The following DNAH8 variants were observed in gnomAD, a reference collection of about 807,000 sequenced individuals.
DNAH8 encodes the protein axonemal beta dynein heavy chain 8.
In DNAH8, 382 loss-of-function variants were observed where a neutral mutation model predicts 562.1. The observed-to-expected ratio is 0.68, with a 90% CI of 0.63 to 0.74. The LOEUF (loss-of-function observed/expected upper bound fraction) is 0.74. Among genes scored for constraint, DNAH8 ranks in the 30% least tolerant of loss-of-function variants. DNAH8 has a pLI of 0.00. For missense variants in DNAH8, 5,203 were observed against 5,620.4 expected (o/e 0.93, Z 2.37); for synonymous variants, 1,881 against 1,919.4 (o/e 0.98, Z 0.52).
At chr6:38,715,958 A>ATTTTTTTT (rs1454056787) in intron 1 of DNAH8, among the ~76,000 whole-genome samples, 9 of 31,046 alleles carry the variant, frequency 2.9e-4, no homozygotes, top group African/African-American at 2.0e-3. Flanking sequence ...ATATATATAT[A>ATTTTTTTT]TATTTTTTTT....
chr6:38,826,411 T>G lies in DNAH8; in HGVS notation c.4083+20T>G. Reference sequence around the variant, plus strand: ...ATTGAAGTAAGAAATGATTGCATTTTTTTTTCTTGGAATGCTTTTTTGTTT... The same window carrying G: ...ATTGAAGTAAGAAATGATTGCATTTGTTTTTCTTGGAATGCTTTTTTGTTT... On this transcript the variant is annotated intron_variant, in intron 29 of 92. Transcript: ENST00000327475. 6.6e-7 allele frequency: 1 copy of G among 1,510,036 alleles called. No individual in the cohort carries two copies. The highest frequency in any genetic ancestry group is 9.0e-7 in the Non-Finnish European group (1 of 1,109,078). The allele number at this position is 1,510,036 out of a possible 1,614,324, so 93.5% of individuals were successfully genotyped here.
At chr6:38,965,597 T>C (rs981370371) in intron 82 of DNAH8, among the ~76,000 whole-genome samples, 2 of 152,182 alleles carry the variant, frequency 1.3e-5, no homozygotes, top group Non-Finnish European at 2.9e-5. Context: ...CAGTCAAAAT[T>C]TTACTAAAGT....
intron 11 of DNAH8, among the ~76,000 whole-genome samples, chr6:38,766,308 A>G (rs973787850): frequency 6.6e-6 from 1 of 152,146 alleles, no homozygotes; most frequent in Non-Finnish European, 1.5e-5. Context: ...TTTCACCTCT[A>G]TGTGGAATCT....
intron 76 of DNAH8, 68 bp from the exon 77 acceptor site, chr6:38,935,524 G>A (rs1782878108): frequency 2.8e-6 from 3 of 1,073,780 alleles, no homozygotes; most frequent in Non-Finnish European, 1.4e-6. Flanking sequence ...ATAAACACTA[G>A]TGAGTTGGGT....
At chr6:38,900,120 G>C (rs921031391) in intron 62 of DNAH8, among the ~76,000 whole-genome samples, 2 of 152,130 alleles carry the variant, frequency 1.3e-5, no homozygotes, top group African/African-American at 4.8e-5. Context: ...TTGTATCCCA[G>C]AAGTGCCTCC....
intron 26 of DNAH8, among the ~76,000 whole-genome samples, chr6:38,822,601 G>A (rs1462093675): frequency 1.3e-5 from 2 of 152,022 alleles, no homozygotes; most frequent in East Asian, 1.9e-4. Flanking sequence ...TATCCTCTCC[G>A]AATAACAGTT....
At chr6:38,883,095 A>T in intron 54 of DNAH8, 43 bp downstream of exon 54, 1 of 1,505,460 alleles carries the variant, frequency 6.6e-7, no homozygotes, top group Non-Finnish European at 8.9e-7. Context: ...CAAACCATCC[A>T]TGGCCACGGG....
intron 64 of DNAH8, among the ~76,000 whole-genome samples, chr6:38,908,806 G>T (rs1780671163): frequency 6.6e-6 from 1 of 152,160 alleles, no homozygotes; most frequent in African/African-American, 2.4e-5. Flanking sequence ...ACCTGCCTGG[G>T]CCTCGCAAAG....
intron 1 of DNAH8, among the ~76,000 whole-genome samples, chr6:38,719,964 A>G (rs1762619880): frequency 6.6e-6 from 1 of 152,200 alleles, no homozygotes; most frequent in African/African-American, 2.4e-5. Context: ...CACCAACAAT[A>G]TCCCAAAACT....
intron 24 of DNAH8, among the ~76,000 whole-genome samples, chr6:38,811,240 G>A (rs1771767700): frequency 6.6e-6 from 1 of 152,068 alleles, no homozygotes; most frequent in Admixed American, 6.5e-5. Context: ...TTGAATGTTG[G>A]GTAGAATGAC....
intron 10 of DNAH8, among the ~76,000 whole-genome samples, chr6:38,759,551 C>A (rs1414337092): frequency 6.6e-6 from 1 of 152,170 alleles, no homozygotes; most frequent in Non-Finnish European, 1.5e-5. Flanking sequence ...ACATTGAGAT[C>A]ATTTTTAGTT....
At chr6:38,828,397 A>G (rs1773552953) in intron 30 of DNAH8, 109 bp downstream of exon 30, 1 of 590,000 alleles carries the variant, frequency 1.7e-6, no homozygotes, top group Non-Finnish European at 2.9e-6. Flanking sequence ...CCACATAACA[A>G]TGTTTCAGTC....
intron 82 of DNAH8, among the ~76,000 whole-genome samples, chr6:38,967,656 T>C (rs906438556): frequency 3.3e-5 from 5 of 152,138 alleles, no homozygotes; most frequent in Non-Finnish European, 7.4e-5. Flanking sequence ...AGACATCCAG[T>C]GTTCATGGAT....
At chr6:38,954,996 C>T (rs992939481) in intron 82 of DNAH8, among the ~76,000 whole-genome samples, 3 of 152,138 alleles carry the variant, frequency 2.0e-5, no homozygotes, top group African/African-American at 7.2e-5. Flanking sequence ...GAGACAGGCT[C>T]CCACTCTGTC....
chr6:38,986,147 A>G (rs906666180), intron 87 of DNAH8, among the ~76,000 whole-genome samples: 1 of 152,222 alleles, frequency 6.6e-6, no homozygotes, highest in Non-Finnish European at 1.5e-5. Flanking sequence ...AATTCTCAGA[A>G]TGTACCAAAT....
At chr6:38,748,462 T>C (rs1238708303) in intron 8 of DNAH8, among the ~76,000 whole-genome samples, 1 of 152,172 alleles carries the variant, frequency 6.6e-6, no homozygotes, top group African/African-American at 2.4e-5. Context: ...TTGGCTCCCA[T>C]TGTTTTTCAA....
rs373096913 is a variant in DNAH8, at chr6:38,896,225, G to A, written c.8940G>A (p.Leu2980=). ...TTGAAGTACCCAAAATATATGAATT[G>A]GTATTTATTTTCATCTCTTAAAAGA... is the stretch of plus-strand genomic sequence containing the variant. ...SVFEVPKIYE[L]MPSFDFLAEK... is the part of the protein sequence containing the mutation. The change falls in exon 60 of 93, where the codon TTG becomes TTA. Residue 2980 remains leucine, a splice_region_variant and synonymous_variant. Coordinates refer to ENST00000327475, the MANE Select transcript of DNAH8 (RefSeq NM_001206927.2). The A allele has an allele frequency of 1.8e-5, 29 of 1,610,186 alleles. No homozygotes were observed. In the Admixed American group the frequency reaches 2.0e-4, roughly 11 times the overall value.
intron 75 of DNAH8, chr6:38,931,161 G>A (rs540181223): frequency 3.9e-5 from 6 of 152,130 alleles, no homozygotes; most frequent in African/African-American, 7.2e-5. Flanking sequence ...TGATGTTTTC[G>A]GTCACGGGCA....
At chr6:39,029,627 C>G (rs893966799) in intron 92 of DNAH8, among the ~76,000 whole-genome samples, 7 of 152,302 alleles carry the variant, frequency 4.6e-5, no homozygotes, top group Middle Eastern at 3.4e-3. Context: ...GGCGCTCTGA[C>G]TCTCCCGCTA....
Sources: allele counts gnomAD v4.1 joint callset (sites outside exome capture counted in the v4.1 genomes callset), GRCh38; gene constraint gnomAD v4.1.1; transcripts MANE v1.5; gene names NCBI Gene and HGNC (gene_info 2026-07-23, HGNC 2026-07-21).